OMD: variants seen among roughly 807,000 people sequenced by gnomAD.
OMD encodes the protein KSPG osteomodulin.
A neutral mutation model predicts 31.2 loss-of-function variants in OMD; 19 were observed. That is an observed-to-expected ratio of 0.61 (90% CI 0.42 to 0.89). The LOEUF (loss-of-function observed/expected upper bound fraction) is 0.89. OMD is among the 40% of genes least tolerant of loss of function. The pLI, the probability that OMD is intolerant of heterozygous loss-of-function variation, is 0.00. For synonymous variants in OMD, 155 were observed against 166.4 expected (o/e 0.93, Z 0.53); for missense variants, 448 against 490.8 (o/e 0.91, Z 0.82).
chr9:92,416,275 T>C (rs1455028486), intron 2 of OMD, among the ~76,000 whole-genome samples: 1 of 151,610 alleles, frequency 6.6e-6, no homozygotes, highest in East Asian at 1.9e-4. Flanking sequence ...AATTTTTCTA[T>C]TTTTGGTAGA....
In OMD at chr9:92,415,360, C is replaced by T; in HGVS notation, c.1058G>A (p.Cys353Tyr). The T allele has an allele frequency of 1.2e-6, 2 of 1,613,446 alleles. No homozygotes were observed. The highest frequency in any genetic ancestry group is 1.7e-4 in the Middle Eastern group (1 of 6,056). Reference sequence around the variant, plus strand: ...ATAAATAGTGTGTATATGAGGGAAGCAGAAGAAGATGTATGAGCTTATTGG... The same window carrying T: ...ATAAATAGTGTGTATATGAGGGAAGTAGAAGAAGATGTATGAGCTTATTGG... ...KEPISSYIFF[C>Y]FPHIHTIYYG... The change falls in exon 3 of 3, where the codon TGC (cysteine) becomes TAC (tyrosine). Residue 353 changes from cysteine (C) to tyrosine (Y), a missense_variant. Coordinates refer to ENST00000375550, the MANE Select transcript of OMD (RefSeq NM_005014.3).
chr9:92,415,912 A>G (rs1285594113), intron 2 of OMD, among the ~76,000 whole-genome samples: 1 of 144,634 alleles, frequency 6.9e-6, no homozygotes, highest in Non-Finnish European at 1.5e-5. Flanking sequence ...TTGCAAGGAG[A>G]AAAGGAAACA....
Position 92,416,159 on chromosome 9 carries a change from G to A in OMD, c.940+460C>T, listed in dbSNP as rs113869109. On this transcript the variant is annotated intron_variant, in intron 2 of 2. Transcript: ENST00000375550. ...CTGTCATCCAGGCCAGAAAGCAGTG[G>A]CATGATCTCAGCTCACTGCAACCTC... 9.6e-3 allele frequency among the ~76,000 whole-genome samples: 1,432 copies of A among 149,174 alleles called. 27 individuals carry two copies. Among genetic ancestry groups the A allele is most frequent in the African/African-American group, 0.034 (1,362 of 40,470 alleles).
chr9:92,420,565 C>T (rs565393355), intron 1 of OMD, among the ~76,000 whole-genome samples: 23 of 152,336 alleles, frequency 1.5e-4, no homozygotes, highest in East Asian at 5.8e-4. Context: ...CTCTCTTCTA[C>T]GCTACTGTTT....
rs372138742 is a variant in OMD, at chr9:92,424,382, C to T, written c.-197G>A. The T allele has an allele frequency of 2.6e-5, 4 of 152,196 alleles. No homozygotes were observed. The highest frequency in any genetic ancestry group is 3.9e-4 in the East Asian group (2 of 5,190). 9.4% of individuals were successfully genotyped at this position (152,196 alleles called of 1,614,324 possible). A position where few individuals can be genotyped will look rare whatever the true frequency, so the allele number is the denominator to read the frequency against. Reference sequence around the variant, plus strand: ...AAATACAATCTTCTTGGAAAACACTCGGGTTGAATTAAAATTATGTATTTC... The same window carrying T: ...AAATACAATCTTCTTGGAAAACACTTGGGTTGAATTAAAATTATGTATTTC... On this transcript the variant is annotated 5_prime_UTR_variant, in exon 1 of 3. Transcript: ENST00000375550.
rs376555184 is a variant in OMD, at chr9:92,416,589, C to T, written c.940+30G>A. On this transcript the variant is annotated intron_variant, in intron 2 of 2. Transcript: ENST00000375550. Reference sequence around the variant, plus strand: ...AAAAGATCAGGATTCCATTCTTTCTCTCTTCAAAACACAATAAAAGTCTAC... The same window carrying T: ...AAAAGATCAGGATTCCATTCTTTCTTTCTTCAAAACACAATAAAAGTCTAC... The T allele has an allele frequency of 2.2e-4, 284 of 1,302,216 alleles. 2 individuals carry two copies. The highest frequency in any genetic ancestry group is 6.3e-5 in the Non-Finnish European group (60 of 946,098). The allele number at this position is 1,302,216 out of a possible 1,614,324, so 80.7% of individuals were successfully genotyped here.
At position 92,416,724 on chromosome 9, in the gene OMD, G is replaced by T. The variant is rs1311679476; in HGVS notation, c.835C>A (p.Leu279Ile). ...ACACTGAGTTCTACAATGTTGGGAA[G>T]ATTAAAAATATTATATGGGATGTCT... ...LQDIPYNIFNLPNIVELSVGH... is the reference protein window; with the variant it reads ...LQDIPYNIFNIPNIVELSVGH... Residue 279 changes from leucine (L) to isoleucine (I), a missense_variant, in exon 2 of 3, where the codon CTT (leucine) becomes ATT (isoleucine). By Grantham distance (5) the Leu-to-Ile change is conservative (BLOSUM62 2). Coordinates refer to ENST00000375550, the MANE Select transcript of OMD (RefSeq NM_005014.3). 3.7e-6 allele frequency: 6 copies of T among 1,613,596 alleles called. No individual in the cohort carries two copies. Among genetic ancestry groups the T allele is most frequent in the Non-Finnish European group, 5.1e-6 (6 of 1,179,636 alleles).
At position 92,417,032 on chromosome 9, in the gene OMD, T is replaced by C; in HGVS notation, c.527A>G (p.Lys176Arg). ...CCCATCCATAGCATTTGTCTGCAGT[T>C]TGGAGATTTCATTGTAACCAAGAAG... ...RLLLGYNEIS[K>R]LQTNAMDGLV... Residue 176 changes from lysine (K) to arginine (R), a missense_variant, in exon 2 of 3, where the codon AAA becomes AGA. Transcript: ENST00000375550. 1.2e-6 allele frequency: 2 copies of C among 1,614,052 alleles called. No homozygotes were observed. Among genetic ancestry groups the C allele is most frequent in the South Asian group, 1.1e-5 (1 of 91,076 alleles).
intron 1 of OMD, among the ~76,000 whole-genome samples, chr9:92,419,272 C>G (rs1338297621): frequency 6.7e-6 from 1 of 149,568 alleles, no homozygotes; most frequent in Non-Finnish European, 1.5e-5. Flanking sequence ...TATACCTTGG[C>G]TGCTTATCTT....
chr9:92,416,770 T>C lies in OMD; in HGVS notation c.789A>G (p.Arg263=). 2 of 1,613,906 alleles carry C rather than the reference T, an allele frequency of 1.2e-6. No individual in the cohort carries two copies. ...FDKLPKLHTL[R]MSHNKLQDIP... ...TGTCTTGTAGTTTGTTGTGTGACAT[T>C]CTTAGAGTATGAAGTTTTGGAAGTT... Residue 263 remains arginine (R), a synonymous_variant, in exon 2 of 3, where the codon AGA becomes AGG. Coordinates refer to ENST00000375550, the MANE Select transcript of OMD (RefSeq NM_005014.3).
Position 92,417,385 on chromosome 9 carries a change from A to G in OMD, c.174T>C (p.Tyr58=), listed in dbSNP as rs1238954627. ...AGCATTCACTGACACAGCCTAAAGT[A>G]TACTGATGAAAAGGAACTCCGTAGT... The part of the protein sequence containing the change: ...NVDYGVPFHQ[Y]TLGCVSECFC... The change falls in exon 2 of 3, where the codon TAT becomes TAC. Residue 58 remains tyrosine (Y), a synonymous_variant. Transcript: ENST00000375550. 6.2e-7 allele frequency: 1 copy of G among 1,614,144 alleles called. No individual in the cohort carries two copies. The highest frequency in any genetic ancestry group is 8.5e-7 in the Non-Finnish European group (1 of 1,179,990).
chr9:92,416,827 T>G lies in OMD; in HGVS notation c.732A>C (p.Ser244=). 6.2e-6 allele frequency: 10 copies of G among 1,613,884 alleles called. No individual in the cohort carries two copies. The highest frequency in any genetic ancestry group is 1.1e-5 in the South Asian group (1 of 91,078). ...SLMYLSLENN[S]ISSIPEKYFD... is the part of the protein sequence containing the mutation. The stretch of plus-strand genomic sequence containing the variant: ...AGTATTTTTCGGGTATAGAAGAAAT[T>G]GAATTATTTTCTAAAGACAGATACA... The change falls in exon 2 of 3, where the codon TCA becomes TCC. Residue 244 remains serine (S), a synonymous_variant. Transcript: ENST00000375550.
chr9:92,415,562 TATGGGATATA>T, intron 2 of OMD, 85 bp from the exon 3 acceptor site: 1 of 626,560 alleles, frequency 1.6e-6, no homozygotes, highest in Non-Finnish European at 2.5e-6. Flanking sequence ...TTTTATATTG[TATGGGATATA>T]ATTCTGTTAA....
intron 1 of OMD, among the ~76,000 whole-genome samples, chr9:92,419,101 G>T (rs577866576): frequency 2.0e-5 from 3 of 152,196 alleles, no homozygotes; most frequent in African/African-American, 7.2e-5. Flanking sequence ...ATTGCAAAAG[G>T]GCACACTTCA....
At chr9:92,418,840 ATTAT>A (rs1843698680) in intron 1 of OMD, among the ~76,000 whole-genome samples, 1 of 152,178 alleles carries the variant, frequency 6.6e-6, no homozygotes, top group Non-Finnish European at 1.5e-5. Flanking sequence ...CCAGAATCCA[ATTAT>A]TTAGTCTCCG....
In OMD at chr9:92,412,647, A is replaced by G. The variant is rs1380766771; in HGVS notation, c.*2505T>C. ...ACGACTGACTTCTTTCACTGAGCAT[A>G]ATGTTTTCAAGGTTATCCATGTTGT... On this transcript the variant is annotated 3_prime_UTR_variant, in exon 3 of 3. Coordinates refer to ENST00000375550, the MANE Select transcript of OMD (RefSeq NM_005014.3). Among the ~76,000 whole-genome samples the G allele has an allele frequency of 6.6e-6, 1 of 152,188 alleles. No homozygotes were observed. Among genetic ancestry groups the G allele is most frequent in the Non-Finnish European group, 1.5e-5 (1 of 68,040 alleles).
intron 1 of OMD, among the ~76,000 whole-genome samples, chr9:92,422,919 G>A (rs558504592): frequency 6.6e-6 from 1 of 152,228 alleles, no homozygotes; most frequent in East Asian, 1.9e-4. Context: ...ATAACTCACA[G>A]CAATATTGTA....
In OMD at chr9:92,424,303, A is replaced by C. The variant is rs1187669089; in HGVS notation, c.-118T>G. On this transcript the variant is annotated 5_prime_UTR_variant, in exon 1 of 3. Transcript: ENST00000375550. Reference sequence around the variant, plus strand: ...TTAACTGAGTCTCTTAAAAATCCACAGTAACTCTGTGTCCAGACAGGGCTG... The same window carrying C: ...TTAACTGAGTCTCTTAAAAATCCACCGTAACTCTGTGTCCAGACAGGGCTG... The C allele has an allele frequency of 6.6e-6, 1 of 152,236 alleles. No individual in the cohort carries two copies. Among genetic ancestry groups the C allele is most frequent in the Non-Finnish European group, 1.5e-5 (1 of 68,040 alleles). 9.4% of individuals were successfully genotyped at this position (152,236 alleles called of 1,614,324 possible).
At chr9:92,420,397 A>G (rs1843752835) in intron 1 of OMD, among the ~76,000 whole-genome samples, 1 of 151,854 alleles carries the variant, frequency 6.6e-6, no homozygotes, top group Admixed American at 6.6e-5. Flanking sequence ...CCAAACTCCA[A>G]CTCTGGTTAC....
Sources: allele counts gnomAD v4.1 joint callset (sites outside exome capture counted in the v4.1 genomes callset), GRCh38; gene constraint gnomAD v4.1.1; transcripts MANE v1.5; gene names NCBI Gene and HGNC (gene_info 2026-07-23, HGNC 2026-07-21).